PTPRU: variants seen among roughly 807,000 people sequenced by gnomAD.
PTPRU encodes protein tyrosine phosphatase receptor type U.
Under a neutral mutation model 166.3 loss-of-function variants are expected in PTPRU, and 69 were observed. That is an observed-to-expected ratio of 0.41 (90% CI 0.34 to 0.51). The LOEUF (loss-of-function observed/expected upper bound fraction) is 0.51. PTPRU is among the 20% of genes least tolerant of loss of function. PTPRU has a pLI of 0.09. For missense variants in PTPRU, 1,657 were observed against 2,013.7 expected (o/e 0.82, Z 3.39); for synonymous variants, 793 against 814.0 (o/e 0.97, Z 0.44).
intron 22 of PTPRU, among the ~76,000 whole-genome samples, chr1:29,313,721 G>A (rs1202679504): frequency 6.6e-6 from 1 of 152,138 alleles, no homozygotes; most frequent in Non-Finnish European, 1.5e-5. Flanking sequence ...GGGTTGTGGT[G>A]GCACAAGCCT....
chr1:29,265,914 G>A (rs1254095637), intron 7 of PTPRU, among the ~76,000 whole-genome samples: 5 of 150,424 alleles, frequency 3.3e-5, no homozygotes, highest in Admixed American at 2.0e-4. Flanking sequence ...TTTTGATGAG[G>A]TTCAATTTGT....
At chr1:29,282,571 G>A in intron 11 of PTPRU, 105 bp from the exon 12 acceptor site, 2 of 1,420,658 alleles carry the variant, frequency 1.4e-6, no homozygotes, top group Non-Finnish European at 1.9e-6. Flanking sequence ...GTGGAAGTTA[G>A]TCCCCAGGAG....
intron 26 of PTPRU, among the ~76,000 whole-genome samples, chr1:29,322,872 A>C (rs1688221965): frequency 6.6e-6 from 1 of 151,936 alleles, no homozygotes; most frequent in South Asian, 2.1e-4. Flanking sequence ...GGTTGTATTT[A>C]GGACCCTGAC....
intron 7 of PTPRU, among the ~76,000 whole-genome samples, chr1:29,261,184 T>C (rs2151945829): frequency 1.3e-5 from 2 of 152,330 alleles, no homozygotes; most frequent in South Asian, 4.1e-4. Context: ...ATTTTAGATG[T>C]GACTGAGGTA....
In PTPRU at chr1:29,291,688, A is replaced by C. The variant is rs575776780; in HGVS notation, c.2319-181A>C. 6.6e-6 allele frequency among the ~76,000 whole-genome samples: 1 copy of C among 152,318 alleles called. No homozygotes were observed. Among genetic ancestry groups the C allele is most frequent in the African/African-American group, 2.4e-5 (1 of 41,566 alleles). On this transcript the variant is annotated intron_variant, in intron 14 of 29. Coordinates refer to ENST00000373779, the MANE Select transcript of PTPRU (RefSeq NM_133178.4). This position sits in a 1 kb window ranked among gnomAD's most constrained non-coding sequence, Gnocchi z 4.1. ...CTCTGCCAAGCCCTTTTCAGGGAAG[A>C]AGCAGCTCTGGGTCTAATGAGTGAA...
chr1:29,279,405 A>G lies in PTPRU; in HGVS notation c.1564-51A>G. ...ACATGGTGGGTGGAGGCTGCTGGTC[A>G]GGGATGCTCTGACCATCCAGTGCCC... On this transcript the variant is annotated intron_variant, in intron 9 of 29. Transcript: ENST00000373779. The surrounding 1 kb of genome is among the most constrained non-coding windows in gnomAD (Gnocchi z 5.2). 1 of 1,550,880 alleles carries G rather than the reference A, an allele frequency of 6.4e-7. No homozygotes were observed. The highest frequency in any genetic ancestry group is 1.4e-5 in the African/African-American group (1 of 73,616).
chr1:29,295,330 C>G (rs2151959424), intron 15 of PTPRU, among the ~76,000 whole-genome samples: 1 of 152,274 alleles, frequency 6.6e-6, no homozygotes, highest in East Asian at 1.9e-4. Context: ...CAGGCATGAG[C>G]CATCACGCTC....
rs541822479 is a variant in PTPRU, at chr1:29,307,870, C to T, written c.2820+2442C>T. 1.2e-3 allele frequency among the ~76,000 whole-genome samples: 175 copies of T among 150,764 alleles called. 1 individual carries two copies. The Middle Eastern group carries it at 0.024, about 21-fold the overall frequency. On this transcript the variant is annotated intron_variant, in intron 18 of 29. Transcript: ENST00000373779. ...CTGCCTCCTGGGTTCAAGTGATTCTCCTGCCTCAGCCTCCCAAGTAGCTGG... is the reference window on the plus strand; with the variant it reads ...CTGCCTCCTGGGTTCAAGTGATTCTTCTGCCTCAGCCTCCCAAGTAGCTGG...
intron 14 of PTPRU, among the ~76,000 whole-genome samples, chr1:29,286,057 G>A (rs1241581050): frequency 6.6e-6 from 1 of 152,240 alleles, no homozygotes; most frequent in East Asian, 1.9e-4. Flanking sequence ...GCTGCCAGGA[G>A]CGGATAATAG....
intron 7 of PTPRU, among the ~76,000 whole-genome samples, chr1:29,270,688 T>C (rs1685523106): frequency 1.3e-5 from 2 of 152,116 alleles, no homozygotes; most frequent in Admixed American, 6.5e-5. Context: ...TATGGCCAGG[T>C]GCAGTGGCTC....
At chr1:29,301,673 T>C (rs182120435) in intron 15 of PTPRU, among the ~76,000 whole-genome samples, 4 of 152,270 alleles carry the variant, frequency 2.6e-5, no homozygotes, top group African/African-American at 7.2e-5. Flanking sequence ...CATGTTGGTG[T>C]GCTACACCCA....
chr1:29,247,610 T>G (rs1270158098), intron 1 of PTPRU, among the ~76,000 whole-genome samples: 1 of 144,924 alleles, frequency 6.9e-6, no homozygotes, highest in Non-Finnish European at 1.5e-5. Flanking sequence ...ATCTGTGAAC[T>G]CTTTGCACCA....
At chr1:29,303,199 G>T (rs1022238791) in intron 15 of PTPRU, among the ~76,000 whole-genome samples, 2 of 152,196 alleles carry the variant, frequency 1.3e-5, no homozygotes, top group African/African-American at 4.8e-5. Context: ...GACCAGAGTG[G>T]GACGTCCTTG....
chr1:29,296,193 C>G (rs987019004), intron 15 of PTPRU, among the ~76,000 whole-genome samples: 1 of 152,128 alleles, frequency 6.6e-6, no homozygotes, highest in Admixed American at 6.5e-5. Flanking sequence ...TAGCTGGAAT[C>G]CTTGTCTTCT....
At chr1:29,283,825 C>T in intron 12 of PTPRU, 115 bp from the exon 13 acceptor site, 2 of 1,283,448 alleles carry the variant, frequency 1.6e-6, no homozygotes, top group African/African-American at 1.5e-5. Flanking sequence ...CCCTTGATGC[C>T]ATCAGCACAA....
At position 29,259,258 on chromosome 1, in the gene PTPRU, C is replaced by T. The variant is rs773214349; in HGVS notation, c.478-3C>T. The T allele has an allele frequency of 3.1e-6, 5 of 1,612,884 alleles. No homozygotes were observed. In the Admixed American group the frequency reaches 5.0e-5, roughly 16 times the overall value. ...ATGATAGGGGCCCTCCCGCCTCCCC[C>T]AGGTGCTGTTTGAGGCCCTCATCTC... On this transcript the variant is annotated splice_polypyrimidine_tract_variant and splice_region_variant and intron_variant, in intron 3 of 29. Coordinates refer to ENST00000373779, the MANE Select transcript of PTPRU (RefSeq NM_133178.4).
chr1:29,268,511 G>A (rs1001606985), intron 7 of PTPRU, among the ~76,000 whole-genome samples: 1 of 152,224 alleles, frequency 6.6e-6, no homozygotes, highest in South Asian at 2.1e-4. Context: ...AATGTTCATA[G>A]TGCTGAGGTT....
chr1:29,280,112 G>A lies in PTPRU; in HGVS notation c.1839G>A (p.Arg613=). 2 of 1,613,384 alleles carry A rather than the reference G, an allele frequency of 1.2e-6. No individual in the cohort carries two copies. The highest frequency in any genetic ancestry group is 1.7e-6 in the Non-Finnish European group (2 of 1,179,912). ...ESENTITVLL[R]PAQGRGAPIS... ...AGAACACCATCACCGTGCTGCTGAG[G>A]CCGGCACAGGGCCGCGGTGCGCCCA... Residue 613 remains arginine (R), a synonymous_variant, in exon 11 of 30, where the codon AGG becomes AGA. Coordinates refer to ENST00000373779, the MANE Select transcript of PTPRU (RefSeq NM_133178.4). The surrounding 1 kb of genome is among the most constrained non-coding windows in gnomAD (Gnocchi z 4.2).
In PTPRU at chr1:29,257,469, G is replaced by A. The variant is rs1034965271; in HGVS notation, c.206-1036G>A. Among the ~76,000 whole-genome samples the A allele has an allele frequency of 1.4e-4, 21 of 152,146 alleles. No individual in the cohort carries two copies. The highest frequency in any genetic ancestry group is 6.5e-4 in the Admixed American group (10 of 15,278). ...GCAGCCAAGCCCGGGAGGAGGCAGC[G>A]CTGGGTGGTTTCGGGTGCCCTTTGG... On this transcript the variant is annotated intron_variant, in intron 2 of 29. Transcript: ENST00000373779. This position sits in a 1 kb window ranked among gnomAD's most constrained non-coding sequence, Gnocchi z 4.6.
Sources: gnomAD v4.1 joint callset for allele counts (sites outside exome capture counted in the v4.1 genomes callset) on GRCh38, gnomAD v4.1.1 for gene constraint, Gnocchi (gnomAD v3.1) non-coding constraint, MANE v1.5 for transcripts, NCBI Gene and HGNC (gene_info 2026-07-23, HGNC 2026-07-21) for gene names.